RORB: variants seen among roughly 807,000 people sequenced by gnomAD.
RORB encodes the protein nuclear receptor ROR-beta.
RORB carries 6 observed loss-of-function variants against 59.1 expected under a neutral mutation model. That is an observed-to-expected ratio of 0.10 (90% CI 0.06 to 0.20). The LOEUF is 0.20. Ranked by LOEUF, RORB falls within the 10% of genes least tolerant of loss-of-function variation. RORB has a pLI of 1.00. For synonymous variants in RORB, 215 were observed against 204.5 expected, an observed-to-expected ratio of 1.05 and a Z score of -0.44; for missense variants, 320 against 560.5, an observed-to-expected ratio of 0.57 and a Z score of 4.33.
intron 1 of RORB, among the ~76,000 whole-genome samples, chr9:74,558,535 C>T (rs1361275306): frequency 1.3e-5 from 2 of 152,174 alleles, no homozygotes; most frequent in East Asian, 3.8e-4. Flanking sequence ...TTCATTTGCC[C>T]GTTCATCTAA....
intron 1 of RORB, among the ~76,000 whole-genome samples, chr9:74,555,178 A>G (rs1334048853): frequency 7.2e-5 from 11 of 152,200 alleles, no homozygotes; most frequent in Admixed American, 7.2e-4. Flanking sequence ...GTAAGTCTGA[A>G]ATCAGATCTG....
Position 74,592,870 on chromosome 9 carries a change from T to C in RORB, c.8-37412T>C, listed in dbSNP as rs537337909. The stretch of plus-strand genomic sequence containing the variant: ...ACATGAACATGCACACACATGCACA[T>C]GCACACGCACACACACGCACTATTC... On this transcript the variant is annotated intron_variant, in intron 1 of 9. Transcript: ENST00000376896. Among the ~76,000 whole-genome samples the C allele has an allele frequency of 5.3e-5, 8 of 152,008 alleles. No homozygotes were observed. The East Asian group carries it at 5.8e-4, about 11-fold the overall frequency.
At chr9:74,593,389 C>T (rs1359348126) in intron 1 of RORB, among the ~76,000 whole-genome samples, 1 of 150,466 alleles carries the variant, frequency 6.6e-6, no homozygotes, top group Non-Finnish European at 1.5e-5. Context: ...TCTCTTGAAC[C>T]TGGGAGGTGG....
At position 74,689,111 on chromosome 9, in the gene RORB, T is replaced by G. The variant is rs895004628; in HGVS notation, c.*3493T>G. 3 of 152,328 alleles carry G rather than the reference T, an allele frequency of 2.0e-5. No homozygotes were observed. The highest frequency in any genetic ancestry group is 7.2e-5 in the African/African-American group (3 of 41,452). The allele number at this position is 152,328 out of a possible 1,614,324, so 9.4% of individuals were successfully genotyped here. A position where few individuals can be genotyped will look rare whatever the true frequency, so the allele number is the denominator to read the frequency against. On this transcript the variant is annotated 3_prime_UTR_variant, in exon 10 of 10. Transcript: ENST00000376896. ...GCCCCTTTTTCTGTGGCTCCTTTTT[T>G]GTTTTGAGACAGATCTTGTTCAACA...
intron 1 of RORB, among the ~76,000 whole-genome samples, chr9:74,501,904 T>G (rs1825807896): frequency 6.6e-6 from 1 of 152,188 alleles, no homozygotes; most frequent in Non-Finnish European, 1.5e-5. Context: ...GACACAAGAT[T>G]AAAACTCCTT....
chr9:74,650,006 TACC>T (rs1823966066), intron 4 of RORB, among the ~76,000 whole-genome samples: 2 of 152,186 alleles, frequency 1.3e-5, no homozygotes, highest in African/African-American at 4.8e-5. Context: ...TTCTAAAATC[TACC>T]ACCACCACCA....
chr9:74,505,677 C>T (rs1349237144), intron 1 of RORB, among the ~76,000 whole-genome samples: 1 of 152,050 alleles, frequency 6.6e-6, no homozygotes, highest in Non-Finnish European at 1.5e-5. Context: ...AGAACTCCCT[C>T]TTTGGGTTAA....
chr9:74,688,180 C>T lies in RORB; in HGVS notation c.*2562C>T, dbSNP rs568700490. 6.6e-6 allele frequency: 1 copy of T among 152,138 alleles called. No homozygotes were observed. Among genetic ancestry groups the T allele is most frequent in the Non-Finnish European group, 1.5e-5 (1 of 68,056 alleles). 9.4% of individuals were successfully genotyped at this position (152,138 alleles called of 1,614,324 possible). A position where few individuals can be genotyped will look rare whatever the true frequency, so the allele number is the denominator to read the frequency against. On this transcript the variant is annotated 3_prime_UTR_variant, in exon 10 of 10. Transcript: ENST00000376896. ...AGCATTTCACTGGGACGGCATGGAC[C>T]TTTTGAAGCTGGGAGGAAGGAAACA...
intron 9 of RORB, among the ~76,000 whole-genome samples, chr9:74,673,545 G>A (rs1824383927): frequency 6.6e-6 from 1 of 152,136 alleles, no homozygotes; most frequent in Non-Finnish European, 1.5e-5. Flanking sequence ...TCCCCTAGGA[G>A]GGTAAAATGT....
At chr9:74,523,542 T>G (rs1284540551) in intron 1 of RORB, among the ~76,000 whole-genome samples, 1 of 151,968 alleles carries the variant, frequency 6.6e-6, no homozygotes, top group East Asian at 1.9e-4. Flanking sequence ...TTTAAAAGTA[T>G]GATTGTCCCA....
chr9:74,625,333 AC>A (rs11320894), intron 1 of RORB, among the ~76,000 whole-genome samples: 27,559 of 152,158 alleles, frequency 0.18, 2,590 homozygotes, highest in African/African-American at 0.22. Flanking sequence ...GAAAAATCAG[AC>A]CCAGCATGGT....
intron 4 of RORB, among the ~76,000 whole-genome samples, chr9:74,645,023 G>T (rs879600483): frequency 6.6e-6 from 1 of 152,012 alleles, no homozygotes; most frequent in Non-Finnish European, 1.5e-5. Flanking sequence ...ATAAACTCGC[G>T]TATATTTTAC....
At chr9:74,624,839 A>G (rs1266697709) in intron 1 of RORB, among the ~76,000 whole-genome samples, 1 of 152,214 alleles carries the variant, frequency 6.6e-6, no homozygotes, top group Non-Finnish European at 1.5e-5. Flanking sequence ...CTTTATTGGA[A>G]ATTTCTACAT....
chr9:74,529,921 T>A (rs1236863604), intron 1 of RORB, among the ~76,000 whole-genome samples: 6 of 151,944 alleles, frequency 3.9e-5, no homozygotes, highest in Non-Finnish European at 8.8e-5. Flanking sequence ...AATAAATACA[T>A]TGAAAATAAT....
At chr9:74,630,450 G>A in intron 2 of RORB, 83 bp downstream of exon 2, 2 of 990,168 alleles carry the variant, frequency 2.0e-6, no homozygotes, top group East Asian at 3.0e-5. Flanking sequence ...CGTTTTTAAG[G>A]AAGGCTGGCT....
intron 1 of RORB, among the ~76,000 whole-genome samples, chr9:74,552,313 C>T (rs530172902): frequency 6.6e-6 from 1 of 152,142 alleles, no homozygotes; most frequent in East Asian, 1.9e-4. Flanking sequence ...TTCATCTTAT[C>T]ATCTATAACA....
chr9:74,576,637 C>A (rs909574963), intron 1 of RORB, among the ~76,000 whole-genome samples: 3 of 152,038 alleles, frequency 2.0e-5, no homozygotes, highest in African/African-American at 7.2e-5. Flanking sequence ...TGTATAGCTT[C>A]ATTTTAAAAT....
At chr9:74,607,610 A>G (rs1823168403) in intron 1 of RORB, among the ~76,000 whole-genome samples, 1 of 151,624 alleles carries the variant, frequency 6.6e-6, no homozygotes, top group Admixed American at 6.6e-5. Context: ...TTATATATAT[A>G]CACACACACA....
At chr9:74,554,167 C>T (rs1451873428) in intron 1 of RORB, among the ~76,000 whole-genome samples, 1 of 152,150 alleles carries the variant, frequency 6.6e-6, no homozygotes, top group African/African-American at 2.4e-5. Flanking sequence ...CTTGATTGCA[C>T]AGGTGAGATA....
Sources: allele counts gnomAD v4.1 joint callset (sites outside exome capture counted in the v4.1 genomes callset), GRCh38; gene constraint gnomAD v4.1.1; transcripts MANE v1.5; gene names NCBI Gene and HGNC (gene_info 2026-07-23, HGNC 2026-07-21).